The following FAM184A variants were observed in gnomAD, a reference collection of about 807,000 sequenced individuals.
FAM184A encodes protein FAM184A.
In FAM184A, 99 loss-of-function variants were observed where a neutral mutation model predicts 143.8. The ratio of observed to expected loss-of-function variants is 0.69; its 90% confidence interval spans 0.58 to 0.81. The LOEUF is 0.81. Among genes scored for constraint, FAM184A ranks in the 40% least tolerant of loss-of-function variants. The probability of loss-of-function intolerance (pLI) is 0.00; values close to 1 mark genes in which losing one functional copy is unlikely to be tolerated. For missense variants in FAM184A, 1,217 were observed against 1,310.5 expected (o/e 0.93, Z 1.10); for synonymous variants, 427 against 446.4 (o/e 0.96, Z 0.55).
At chr6:119,064,297 T>C (rs977818075) in intron 1 of FAM184A, among the ~76,000 whole-genome samples, 4 of 152,202 alleles carry the variant, frequency 2.6e-5, no homozygotes, top group Admixed American at 2.6e-4. Flanking sequence ...CAGCTACACC[T>C]ACCAGGCAAA....
intron 1 of FAM184A, among the ~76,000 whole-genome samples, chr6:119,129,746 C>A (rs1789482544): frequency 6.6e-6 from 1 of 151,192 alleles, no homozygotes; most frequent in South Asian, 2.1e-4. Flanking sequence ...TTGTTGTTTT[C>A]TTTTTAACTT....
rs1339073279 is a variant in FAM184A at position 119,064,931 on chromosome 6, T to C, written c.159+13210A>G. Among the ~76,000 whole-genome samples the C allele has an allele frequency of 2.6e-5, 4 of 152,290 alleles. No homozygotes were observed. The South Asian group carries it at 8.3e-4, about 32-fold the overall frequency. Reference sequence around the variant, plus strand: ...GACTTTAACAATTTTATTTCTACTATTGATCTCTCCCTTTAGCATAGACAC... The same window carrying C: ...GACTTTAACAATTTTATTTCTACTACTGATCTCTCCCTTTAGCATAGACAC... On this transcript the variant is annotated intron_variant, in intron 1 of 17. Transcript: ENST00000338891.
rs571835565 is a variant in FAM184A at position 119,056,827 on chromosome 6, G to A, written c.159+21314C>T. Among the ~76,000 whole-genome samples the A allele has an allele frequency of 1.5e-3, 233 of 152,108 alleles. 1 individual carries two copies. Among genetic ancestry groups the A allele is most frequent in the Non-Finnish European group, 3.0e-3 (201 of 68,038 alleles). On this transcript the variant is annotated intron_variant, in intron 1 of 17. Transcript: ENST00000338891. The stretch of plus-strand genomic sequence containing the variant: ...ATATCCCATATAAGCCTGGTCTGGT[G>A]GGCACTCACCACTGTGTACTAAAGA...
At chr6:119,119,651 A>G (rs1173098847) in intron 1 of FAM184A, among the ~76,000 whole-genome samples, 2 of 152,120 alleles carry the variant, frequency 1.3e-5, no homozygotes, top group Admixed American at 6.6e-5. Flanking sequence ...ACATGTCATC[A>G]GTTTTTGCCT....
intron 1 of FAM184A, among the ~76,000 whole-genome samples, chr6:119,051,977 G>A (rs980398588): frequency 1.3e-5 from 2 of 152,174 alleles, no homozygotes; most frequent in African/African-American, 4.8e-5. Flanking sequence ...CAGGTTCCCA[G>A]ACAGCAGTAT....
In FAM184A at chr6:119,140,438, C is replaced by T. The variant is rs116557784; in HGVS notation, c.-202+8640G>A. 1.2e-3 allele frequency among the ~76,000 whole-genome samples: 185 copies of T among 152,278 alleles called. 1 individual carries two copies. Among genetic ancestry groups the T allele is most frequent in the African/African-American group, 4.0e-3 (167 of 41,556 alleles). On this transcript the variant is annotated intron_variant, in intron 1 of 16. Transcript: ENST00000352896. ...GAAACTGACTTCAGACAGGATGGGC[C>T]TCACCTTTGAAGGACAAATGCACAG... is the stretch of plus-strand genomic sequence containing the variant.
chr6:119,090,053 A>G (rs1462656586), intron 1 of FAM184A, among the ~76,000 whole-genome samples: 1 of 152,218 alleles, frequency 6.6e-6, no homozygotes. Context: ...CTTTCTATGA[A>G]TATCACAATC....
intron 1 of FAM184A, among the ~76,000 whole-genome samples, chr6:119,027,509 A>G (rs751287138): frequency 6.6e-6 from 1 of 152,148 alleles, no homozygotes; most frequent in Non-Finnish European, 1.5e-5. Flanking sequence ...CAGGGACCCC[A>G]CCTCTCCTTT....
At chr6:119,089,494 G>A (rs1255486859) in intron 1 of FAM184A, among the ~76,000 whole-genome samples, 1 of 152,092 alleles carries the variant, frequency 6.6e-6, no homozygotes, top group Non-Finnish European at 1.5e-5. Context: ...GTAGAGATGG[G>A]ATCTTGCTAC....
intron 1 of FAM184A, among the ~76,000 whole-genome samples, chr6:119,036,600 A>G (rs1786123254): frequency 6.6e-6 from 1 of 152,034 alleles, no homozygotes; most frequent in African/African-American, 2.4e-5. Flanking sequence ...CAGAAGTCCT[A>G]CTATACAGCT....
At chr6:119,041,957 G>A (rs1481704293) in intron 1 of FAM184A, among the ~76,000 whole-genome samples, 1 of 152,142 alleles carries the variant, frequency 6.6e-6, no homozygotes, top group Non-Finnish European at 1.5e-5. Flanking sequence ...AAGAACCCCA[G>A]GTCAGAGAAC....
intron 1 of FAM184A, among the ~76,000 whole-genome samples, chr6:119,112,969 A>G (rs1018341841): frequency 6.6e-6 from 1 of 152,138 alleles, no homozygotes; most frequent in African/African-American, 2.4e-5. Flanking sequence ...CTAAATGCTA[A>G]GTGGAGCTGC....
chr6:118,960,647 T>C, intron 17 of FAM184A: 1 of 402,142 alleles, frequency 2.5e-6, no homozygotes, highest in East Asian at 7.6e-5. Flanking sequence ...ATGCAAATAC[T>C]CCAGGAAAGG....
At position 119,034,580 on chromosome 6, in the gene FAM184A, T is replaced by TAAAA. The variant is rs34909667; in HGVS notation, c.160-9771_160-9768dup. The stretch of plus-strand genomic sequence containing the variant: ...TTTAATATATAGTTTTTTTTTTTTT[T>TAAAA]AAAAAAACCTTTGCTTTTTGTTTTT... On this transcript the variant is annotated intron_variant, in intron 1 of 17. Coordinates refer to ENST00000338891, the MANE Select transcript of FAM184A (RefSeq NM_024581.6). 7.0e-4 allele frequency among the ~76,000 whole-genome samples: 104 copies of TAAAA among 148,276 alleles called. 1 individual carries two copies. Among genetic ancestry groups the TAAAA allele is most frequent in the Non-Finnish European group, 9.8e-4 (66 of 67,214 alleles).
intron 1 of FAM184A, among the ~76,000 whole-genome samples, chr6:119,145,538 T>C (rs1243602560): frequency 3.9e-5 from 6 of 152,162 alleles, no homozygotes; most frequent in African/African-American, 2.4e-5. Flanking sequence ...AAAAGTTGGT[T>C]GATACACTTA....
chr6:119,077,638 A>G (rs963257332), intron 1 of FAM184A, among the ~76,000 whole-genome samples: 3 of 152,234 alleles, frequency 2.0e-5, no homozygotes, highest in South Asian at 2.1e-4. Context: ...GGAATGACTC[A>G]TTAAATGCCC....
chr6:119,122,391 A>AT (rs1366395767), intron 1 of FAM184A, among the ~76,000 whole-genome samples: 1 of 152,126 alleles, frequency 6.6e-6, no homozygotes, highest in African/African-American at 2.4e-5. Flanking sequence ...AGGAGACTTT[A>AT]TTTTTTACAA....
rs368875291 is a variant in FAM184A at position 118,960,060 on chromosome 6, C to T, written c.*43G>A. On this transcript the variant is annotated 3_prime_UTR_variant, in exon 18 of 18. Transcript: ENST00000338891. ...ACATAACAATCTGTATAAAGTCATG[C>T]TCTTAGTAACAGTCTATACAGAGCT... The T allele has an allele frequency of 4.3e-5, 63 of 1,481,920 alleles. No individual in the cohort carries two copies. The highest frequency in any genetic ancestry group is 3.5e-4 in the Middle Eastern group (2 of 5,730). 91.8% of individuals were successfully genotyped at this position (1,481,920 alleles called of 1,614,324 possible). A position where few individuals can be genotyped will look rare whatever the true frequency, so the allele number is the denominator to read the frequency against.
intron 1 of FAM184A, among the ~76,000 whole-genome samples, chr6:119,056,028 T>A (rs1786960338): frequency 6.6e-6 from 1 of 152,130 alleles, no homozygotes; most frequent in Non-Finnish European, 1.5e-5. Flanking sequence ...ACAGGGTATA[T>A]TTATTAGTAC....
Sources: gnomAD v4.1 joint callset for allele counts (sites outside exome capture counted in the v4.1 genomes callset) on GRCh38, gnomAD v4.1.1 for gene constraint, MANE v1.5 for transcripts, NCBI Gene and HGNC (gene_info 2026-07-23, HGNC 2026-07-21) for gene names.